The following QKI variants were observed in gnomAD, a reference collection of about 807,000 sequenced individuals.
QKI encodes QKI, KH domain containing RNA binding, also known as KH domain-containing RNA-binding protein QKI.
In QKI, 10 loss-of-function variants were observed where a neutral mutation model predicts 39.0. The ratio of observed to expected loss-of-function variants is 0.26; its 90% confidence interval spans 0.16 to 0.43. QKI has a LOEUF of 0.43. QKI is among the 20% of genes least tolerant of loss of function. The pLI, the probability that QKI is intolerant of heterozygous loss-of-function variation, is 1.00. For missense variants in QKI, 218 were observed against 428.0 expected (o/e 0.51, Z 4.33); for synonymous variants, 204 against 155.4 (o/e 1.31, Z -2.33).
intron 1 of QKI, among the ~76,000 whole-genome samples, chr6:163,441,805 A>G (rs1191362066): frequency 2.0e-5 from 3 of 152,152 alleles, no homozygotes; most frequent in Non-Finnish European, 4.4e-5. Flanking sequence ...AGGGCTAGCA[A>G]TTCCTTGTGT....
At chr6:163,492,544 G>A (rs1778123039) in intron 3 of QKI, among the ~76,000 whole-genome samples, 1 of 152,130 alleles carries the variant, frequency 6.6e-6, no homozygotes, top group Non-Finnish European at 1.5e-5. Context: ...ATAGCAGATA[G>A]TGAAGAATGT....
chr6:163,423,041 T>TA (rs1204605471), intron 1 of QKI: 1 of 152,312 alleles, frequency 6.6e-6, no homozygotes, highest in African/African-American at 2.4e-5. Context: ...CTCATGCCTG[T>TA]AATCCCAGCA....
intron 1 of QKI, among the ~76,000 whole-genome samples, chr6:163,428,356 A>C (rs1461948617): frequency 1.3e-5 from 2 of 152,220 alleles, no homozygotes; most frequent in African/African-American, 4.8e-5. Context: ...TGACTGAGTC[A>C]CATATATTGA....
At chr6:163,436,970 T>C (rs1437068436) in intron 1 of QKI, among the ~76,000 whole-genome samples, 2 of 152,170 alleles carry the variant, frequency 1.3e-5, no homozygotes, top group African/African-American at 2.4e-5. Flanking sequence ...GAGATACATT[T>C]GAATGTTTAG....
chr6:163,417,660 A>G (rs1380068985), intron 1 of QKI, among the ~76,000 whole-genome samples: 10 of 152,192 alleles, frequency 6.6e-5, no homozygotes, highest in African/African-American at 4.8e-5. Flanking sequence ...TTTAAATGTA[A>G]GAGACCACTA....
intron 7 of QKI, chr6:163,567,538 A>G: frequency 4.1e-6 from 4 of 984,392 alleles, no homozygotes; most frequent in Non-Finnish European, 4.8e-6. Flanking sequence ...ATTTTTGACT[A>G]ACCTGTGACT....
chr6:163,548,047 A>G (rs1781999517), intron 4 of QKI, among the ~76,000 whole-genome samples: 1 of 152,172 alleles, frequency 6.6e-6, no homozygotes, highest in Non-Finnish European at 1.5e-5. Flanking sequence ...AGTTTTCAGA[A>G]CACTGTTTGT....
At chr6:163,448,425 C>A (rs1790312869) in intron 1 of QKI, among the ~76,000 whole-genome samples, 1 of 148,378 alleles carries the variant, frequency 6.7e-6, no homozygotes, top group African/African-American at 2.5e-5. Flanking sequence ...AAACATATTT[C>A]ACTTAATAGT....
At chr6:163,464,857 C>T (rs1278832832) in intron 2 of QKI, among the ~76,000 whole-genome samples, 1 of 152,180 alleles carries the variant, frequency 6.6e-6, no homozygotes, top group Non-Finnish European at 1.5e-5. Context: ...TTACCCTTAA[C>T]CAAAGCCAGA....
chr6:163,473,230 C>A (rs775299795), intron 2 of QKI, among the ~76,000 whole-genome samples: 35 of 152,106 alleles, frequency 2.3e-4, no homozygotes, highest in Non-Finnish European at 1.0e-4. Flanking sequence ...GTCTTTCATT[C>A]CCCAACAAGT....
chr6:163,518,636 A>G (rs1779971795), intron 3 of QKI, among the ~76,000 whole-genome samples: 2 of 152,194 alleles, frequency 1.3e-5, no homozygotes, highest in African/African-American at 4.8e-5. Context: ...ATATTAAAAA[A>G]TATTATATTT....
intron 4 of QKI, among the ~76,000 whole-genome samples, chr6:163,547,846 A>G (rs1401528247): frequency 1.3e-5 from 2 of 152,164 alleles, no homozygotes; most frequent in Admixed American, 1.3e-4. Context: ...ACTTGAGGCC[A>G]AAACTATCTT....
intron 1 of QKI, chr6:163,415,910 C>A: frequency 1.9e-6 from 1 of 513,638 alleles, no homozygotes; most frequent in Non-Finnish European, 3.9e-6. Flanking sequence ...GTGTGGGGCT[C>A]GTTAGTTTAA....
chr6:163,552,206 C>CT (rs35060699), intron 4 of QKI, among the ~76,000 whole-genome samples: 69,022 of 101,704 alleles, frequency 0.68, 24,920 homozygotes, highest in East Asian at 0.93. Flanking sequence ...TTCGTTCGTT[C>CT]TTTTTTTTTT....
Position 163,535,276 on chromosome 6 carries a change from CATA to C in QKI, c.546+156_546+158del, listed in dbSNP as rs1583179276. On this transcript the variant is annotated intron_variant, in intron 4 of 7. Coordinates refer to ENST00000361752, the MANE Select transcript of QKI (RefSeq NM_006775.3). ...AAAAACACCTGACTGATACTTCTAACATAATAAAAACATAAAGTTCGTATTTAG... is the reference window on the plus strand; with the variant it reads ...AAAAACACCTGACTGATACTTCTAACATAAAAACATAAAGTTCGTATTTAG... The C allele has an allele frequency of 1.1e-5, 9 of 796,272 alleles. No homozygotes were observed. The East Asian group carries it at 2.8e-4, about 25-fold the overall frequency. The allele number at this position is 796,272 out of a possible 1,614,324, so 49.3% of individuals were successfully genotyped here.
intron 7 of QKI, chr6:163,568,796 T>G: frequency 1.0e-6 from 1 of 985,106 alleles, no homozygotes; most frequent in Non-Finnish European, 1.2e-6. Context: ...ACTCACCTCT[T>G]TATATATATT....
intron 3 of QKI, among the ~76,000 whole-genome samples, chr6:163,512,485 A>T (rs1367684498): frequency 2.6e-5 from 4 of 152,096 alleles, no homozygotes; most frequent in Non-Finnish European, 4.4e-5. Flanking sequence ...ATCAAGTAAC[A>T]TAGCTTGAAA....
In QKI at chr6:163,575,452, A is replaced by G. The variant is rs1412945460; in HGVS notation, c.*4742A>G. 2 of 152,216 alleles carry G rather than the reference A, an allele frequency of 1.3e-5. No homozygotes were observed. Among genetic ancestry groups the G allele is most frequent in the Non-Finnish European group, 2.9e-5 (2 of 68,034 alleles). 9.4% of individuals were successfully genotyped at this position (152,216 alleles called of 1,614,324 possible). The stretch of plus-strand genomic sequence containing the variant: ...CAAATTCCAAGAATAGTAAAATTCT[A>G]GAGTCAGTTGATTGATTGAAACTAT... On this transcript the variant is annotated 3_prime_UTR_variant, in exon 8 of 8. Coordinates refer to ENST00000361752, the MANE Select transcript of QKI (RefSeq NM_006775.3).
chr6:163,481,645 TA>T (rs987437909), intron 3 of QKI, among the ~76,000 whole-genome samples: 2 of 152,244 alleles, frequency 1.3e-5, no homozygotes, highest in African/African-American at 4.8e-5. Context: ...TTTTAGCAAG[TA>T]AGTTAATATG....
Sources: allele counts gnomAD v4.1 joint callset (sites outside exome capture counted in the v4.1 genomes callset), GRCh38; gene constraint gnomAD v4.1.1; transcripts MANE v1.5; gene names NCBI Gene and HGNC (gene_info 2026-07-23, HGNC 2026-07-21).